Variants in SOCS7 observed in about 807,000 individuals in gnomAD.
The protein encoded by SOCS7 is NAP-4.
Under a neutral mutation model 58.9 loss-of-function variants are expected in SOCS7, and 18 were observed. The ratio of observed to expected loss-of-function variants is 0.31; its 90% CI spans 0.21 to 0.45. The LOEUF (loss-of-function observed/expected upper bound fraction) is 0.45, where lower values mean the gene tolerates loss of function less well. Ranked by LOEUF, SOCS7 falls within the 20% of genes least tolerant of loss-of-function variation. The pLI is 1.00. For missense variants in SOCS7, 667 were observed against 837.3 expected, an observed-to-expected ratio of 0.80 and a Z score of 2.51; for synonymous variants, 388 against 364.3, an observed-to-expected ratio of 1.06 and a Z score of -0.74.
intron 7 of SOCS7, among the ~76,000 whole-genome samples, chr17:38,394,720 G>T (rs1286314658): frequency 6.6e-6 from 1 of 152,122 alleles, no homozygotes; most frequent in Non-Finnish European, 1.5e-5. Context: ...TGGCATAATT[G>T]GGCTACTCCG....
At chr17:38,371,812 T>G (rs2037871933) in intron 6 of SOCS7, among the ~76,000 whole-genome samples, 1 of 150,806 alleles carries the variant, frequency 6.6e-6, no homozygotes, top group Non-Finnish European at 1.5e-5. Flanking sequence ...GTGCTTCAGT[T>G]TTTTGAGTTT....
chr17:38,381,346 GAGACTATTAGGGTGAGGAAGAGGT>G (rs139438011), intron 7 of SOCS7, among the ~76,000 whole-genome samples: 7,051 of 152,122 alleles, frequency 0.046, 193 homozygotes, highest in Middle Eastern at 0.21. Flanking sequence ...TTTATTAGAG[GAGACTATTAGGGTGAGGAAGAGGT>G]AGGTATTAGC....
chr17:38,364,082 A>G (rs2037755155), intron 2 of SOCS7, among the ~76,000 whole-genome samples: 1 of 152,204 alleles, frequency 6.6e-6, no homozygotes, highest in African/African-American at 2.4e-5. Flanking sequence ...CCAAGTTCCT[A>G]TGGAGAAGCT....
At chr17:38,360,645 T>A (rs1220264250) in intron 1 of SOCS7, among the ~76,000 whole-genome samples, 1 of 152,188 alleles carries the variant, frequency 6.6e-6, no homozygotes, top group Non-Finnish European at 1.5e-5. Context: ...GTTCACGCCG[T>A]TCTCCTGCCT....
intron 3 of SOCS7, 103 bp from the exon 4 acceptor site, chr17:38,365,205 G>GC: frequency 1.2e-6 from 1 of 810,024 alleles, no homozygotes; most frequent in Non-Finnish European, 1.9e-6. Context: ...GGGCCATCCT[G>GC]CCCCAGAGGG....
chr17:38,354,385 G>A (rs1334544050), intron 1 of SOCS7, among the ~76,000 whole-genome samples: 1 of 152,206 alleles, frequency 6.6e-6, no homozygotes, highest in Admixed American at 6.5e-5. Flanking sequence ...AGTTGATCCT[G>A]AACTGGGAAC....
chr17:38,392,632 G>A (rs2038186303), intron 7 of SOCS7, among the ~76,000 whole-genome samples: 1 of 152,252 alleles, frequency 6.6e-6, no homozygotes, highest in South Asian at 2.1e-4. Context: ...GACCAGCCAT[G>A]TGGGTAGAGG....
At chr17:38,353,270 G>A (rs2037587143) in intron 1 of SOCS7, among the ~76,000 whole-genome samples, 2 of 152,158 alleles carry the variant, frequency 1.3e-5, no homozygotes, top group South Asian at 2.1e-4. Flanking sequence ...TGTCTTGTTG[G>A]AAGATGGTTT....
At chr17:38,374,395 G>T (rs1485423914) in intron 6 of SOCS7, among the ~76,000 whole-genome samples, 2 of 151,976 alleles carry the variant, frequency 1.3e-5, no homozygotes, top group Non-Finnish European at 2.9e-5. Flanking sequence ...AAAATTAGCT[G>T]GGCACTGTCA....
chr17:38,391,950 TG>T (rs1418086155), intron 7 of SOCS7, among the ~76,000 whole-genome samples: 1 of 152,186 alleles, frequency 6.6e-6, no homozygotes, highest in Non-Finnish European at 1.5e-5. Context: ...TGGTCTTTGT[TG>T]GGAGAAACGA....
intron 6 of SOCS7, among the ~76,000 whole-genome samples, chr17:38,369,721 G>A (rs1467241311): frequency 6.8e-6 from 1 of 147,900 alleles, no homozygotes; most frequent in East Asian, 2.0e-4. Context: ...TGTCACCCAG[G>A]TTGGAGTACA....
chr17:38,371,105 T>G (rs746202701), intron 6 of SOCS7, among the ~76,000 whole-genome samples: 8 of 151,372 alleles, frequency 5.3e-5, no homozygotes, highest in Non-Finnish European at 7.4e-5. Flanking sequence ...TTTTTTGTGT[T>G]TGTTTGTTTG....
chr17:38,354,579 CT>C (rs1333097748), intron 1 of SOCS7, among the ~76,000 whole-genome samples: 3 of 152,196 alleles, frequency 2.0e-5, no homozygotes, highest in Non-Finnish European at 4.4e-5. Flanking sequence ...AGTGTTTCTG[CT>C]TTGCCTCCCA....
At chr17:38,393,728 G>C (rs8065482) in intron 7 of SOCS7, among the ~76,000 whole-genome samples, 4,474 of 151,356 alleles carry the variant, frequency 0.03, 216 homozygotes, top group African/African-American at 0.1. Flanking sequence ...GTGAAACCCC[G>C]TCCCTACTGA....
chr17:38,356,282 G>T (rs887513537), intron 1 of SOCS7, among the ~76,000 whole-genome samples: 2 of 151,966 alleles, frequency 1.3e-5, no homozygotes, highest in African/African-American at 2.4e-5. Flanking sequence ...TTGGAAGGCA[G>T]AGGCAGGAGG....
chr17:38,354,001 A>T (rs2037598846), intron 1 of SOCS7, among the ~76,000 whole-genome samples: 1 of 152,222 alleles, frequency 6.6e-6, no homozygotes, highest in Non-Finnish European at 1.5e-5. Context: ...AGGTAGAGAC[A>T]GGTACATGAG....
Position 38,352,592 on chromosome 17 carries a change from C to T in SOCS7, c.540C>T (p.Val180=). 6.5e-7 allele frequency: 1 copy of T among 1,550,064 alleles called. No homozygotes were observed. Among genetic ancestry groups the T allele is most frequent in the Non-Finnish European group, 8.7e-7 (1 of 1,146,844 alleles). The stretch of plus-strand genomic sequence containing the variant: ...CGGAAACGAGCGACGCGCTGCTGGT[C>T]CTGGAGGGCTTGGAATCGGAGGCCG... ...DPTETSDALL[V]LEGLESEAES... Residue 180 remains valine (V), a synonymous_variant, in exon 1 of 10, where the codon GTC becomes GTT. Coordinates refer to ENST00000612932, the MANE Select transcript of SOCS7 (RefSeq NM_014598.4). This position sits in a 1 kb window ranked among gnomAD's most constrained non-coding sequence, Gnocchi z 5.5.
At chr17:38,388,537 T>C (rs1044721552) in intron 7 of SOCS7, among the ~76,000 whole-genome samples, 6 of 152,020 alleles carry the variant, frequency 3.9e-5, no homozygotes, top group Non-Finnish European at 5.9e-5. Context: ...AAAAAAATAC[T>C]GTGCAATTCA....
rs41377745 is a variant in SOCS7 at position 38,352,502 on chromosome 17, T to C, written c.450T>C (p.Pro150=). ...GGGGTTGCTGCCCGTGTCCGTGTCC[T>C]CCTCAGCCGCCCCCTCCGCAGCCCC... ...VGGGCCPCPC[P]PQPPPPQPQP... The change falls in exon 1 of 10, where the codon CCT becomes CCC. Residue 150 remains proline (P), a synonymous_variant. Transcript: ENST00000612932. This position sits in a 1 kb window ranked among gnomAD's most constrained non-coding sequence, Gnocchi z 5.5. 273,935 of 1,540,960 alleles carry C rather than the reference T, an allele frequency of 0.18. 27,385 individuals are homozygous for C. The highest frequency in any genetic ancestry group is 0.43 in the African/African-American group (31,130 of 72,850).
Sources: allele counts gnomAD v4.1 joint callset (sites outside exome capture counted in the v4.1 genomes callset), GRCh38; gene constraint gnomAD v4.1.1; non-coding constraint Gnocchi (gnomAD v3.1); transcripts MANE v1.5; gene names NCBI Gene and HGNC (gene_info 2026-07-23, HGNC 2026-07-21).